MGAT4C: variants seen among roughly 807,000 people sequenced by gnomAD.
MGAT4C encodes the protein alpha-1,3-mannosyl-glycoprotein 4-beta-N-acetylglucosaminyltransferase C.
Under a neutral mutation model 40.1 loss-of-function variants are expected in MGAT4C, and 19 were observed. The observed-to-expected ratio is 0.47, with a 90% confidence interval of 0.33 to 0.70. MGAT4C has a LOEUF of 0.70. Ranked by LOEUF, MGAT4C falls within the 30% of genes least tolerant of loss-of-function variation. MGAT4C has a pLI of 0.02. For synonymous variants in MGAT4C, 181 were observed against 187.1 expected (o/e 0.97, Z 0.27); for missense variants, 491 against 563.2 (o/e 0.87, Z 1.30).
At position 86,771,092 on chromosome 12, in the gene MGAT4C, G is replaced by A. The variant is rs150752068; in HGVS notation, c.-261-43851C>T. 8.9e-4 allele frequency among the ~76,000 whole-genome samples: 135 copies of A among 152,208 alleles called. 1 individual carries two copies. The highest frequency in any genetic ancestry group is 3.4e-3 in the Middle Eastern group (1 of 294). On this transcript the variant is annotated intron_variant, in intron 1 of 7. Coordinates refer to the MGAT4C transcript ENST00000548651. ...TAATTCAGGTACAGATCTATAGAGA[G>A]ATGATATGAAGACATGGAGATAAGA...
chr12:86,333,509 C>T (rs1375820955), intron 4 of MGAT4C, among the ~76,000 whole-genome samples: 1 of 152,138 alleles, frequency 6.6e-6, no homozygotes, highest in Non-Finnish European at 1.5e-5. Context: ...TCAAAGACAA[C>T]TTATCACAGG....
intron 3 of MGAT4C, among the ~76,000 whole-genome samples, chr12:86,413,354 A>G (rs1380413705): frequency 6.6e-6 from 1 of 152,202 alleles, no homozygotes. Flanking sequence ...AGGAAAATGA[A>G]TGAAACAAGA....
intron 1 of MGAT4C, among the ~76,000 whole-genome samples, chr12:86,836,978 G>A (rs115151735): frequency 2.0e-5 from 3 of 151,912 alleles, no homozygotes; most frequent in Non-Finnish European, 4.4e-5. Flanking sequence ...AGAGAGAGAG[G>A]ATGTTAAATC....
intron 1 of MGAT4C, among the ~76,000 whole-genome samples, chr12:86,245,537 C>G (rs1013691677): frequency 6.6e-6 from 1 of 152,132 alleles, no homozygotes; most frequent in Non-Finnish European, 1.5e-5. Context: ...TCAGTTTAGC[C>G]CGAATACAAG....
At chr12:86,174,124 T>C (rs61929474) in intron 1 of MGAT4C, among the ~76,000 whole-genome samples, 327 of 143,902 alleles carry the variant, frequency 2.3e-3, no homozygotes, top group East Asian at 1.0e-2. Flanking sequence ...CACACACACA[T>C]ACACACACAC....
chr12:86,118,839 A>T (rs1878876697), intron 1 of MGAT4C, among the ~76,000 whole-genome samples: 1 of 152,198 alleles, frequency 6.6e-6, no homozygotes, highest in South Asian at 2.1e-4. Context: ...AGATGACCAG[A>T]AAGCAATATA....
intron 2 of MGAT4C, among the ~76,000 whole-genome samples, chr12:86,546,799 G>A (rs1959195433): frequency 6.6e-6 from 1 of 151,892 alleles, no homozygotes; most frequent in Admixed American, 6.6e-5. Context: ...ATAATGTGTG[G>A]GGATAGTCAT....
In MGAT4C at chr12:86,474,692, T is replaced by A. The variant is rs570701030; in HGVS notation, c.-228-39427A>T. ...TGGCTTTTCAGGTTTTCTTTTTTTT[T>A]TATAAGAAAGCCCATCATTTAACAG... On this transcript the variant is annotated intron_variant, in intron 2 of 7. Transcript: ENST00000548651. 3.4e-4 allele frequency among the ~76,000 whole-genome samples: 51 copies of A among 152,212 alleles called. 1 individual carries two copies. The South Asian group carries it at 9.1e-3, about 27-fold the overall frequency.
intron 1 of MGAT4C, among the ~76,000 whole-genome samples, chr12:86,740,578 C>T (rs2136129676): frequency 6.6e-6 from 1 of 151,302 alleles, no homozygotes; most frequent in South Asian, 2.1e-4. Flanking sequence ...ACCATTTCTG[C>T]ACAGTACATC....
intron 2 of MGAT4C, among the ~76,000 whole-genome samples, chr12:86,715,811 A>C (rs1950636999): frequency 6.6e-6 from 1 of 152,122 alleles, no homozygotes; most frequent in Non-Finnish European, 1.5e-5. Flanking sequence ...TGAATGGTTA[A>C]AGTTTAGTAA....
At chr12:86,262,073 T>G (rs1322218926) in intron 4 of MGAT4C, among the ~76,000 whole-genome samples, 1 of 152,088 alleles carries the variant, frequency 6.6e-6, no homozygotes, top group Non-Finnish European at 1.5e-5. Context: ...GTTTACAATG[T>G]CCTGTATGAT....
At chr12:86,509,903 A>G (rs1253666497) in intron 2 of MGAT4C, among the ~76,000 whole-genome samples, 2 of 152,146 alleles carry the variant, frequency 1.3e-5, no homozygotes, top group Non-Finnish European at 1.5e-5. Context: ...ATTTTTGTAC[A>G]TTGATTTTGT....
intron 1 of MGAT4C, among the ~76,000 whole-genome samples, chr12:86,120,734 T>A (rs980636967): frequency 6.6e-6 from 1 of 152,020 alleles, no homozygotes; most frequent in Non-Finnish European, 1.5e-5. Context: ...CAAAATCCCA[T>A]CCATACATCA....
intron 1 of MGAT4C, among the ~76,000 whole-genome samples, chr12:86,085,294 A>G (rs148856432): frequency 2.0e-3 from 299 of 152,188 alleles, no homozygotes; most frequent in African/African-American, 6.7e-3. Flanking sequence ...TATGTCCTGA[A>G]CAGTATTGCC....
intron 3 of MGAT4C, among the ~76,000 whole-genome samples, chr12:86,381,737 T>C (rs1017335144): frequency 3.3e-5 from 5 of 152,142 alleles, no homozygotes; most frequent in African/African-American, 9.7e-5. Flanking sequence ...TTTGGCTGTG[T>C]CCCCACCCAA....
intron 2 of MGAT4C, among the ~76,000 whole-genome samples, chr12:86,536,122 T>C (rs2136378650): frequency 6.6e-6 from 1 of 152,258 alleles, no homozygotes; most frequent in East Asian, 1.9e-4. Flanking sequence ...CACAGTCTTG[T>C]GGATATGGCA....
chr12:86,698,493 T>C (rs1380411078), intron 2 of MGAT4C, among the ~76,000 whole-genome samples: 1 of 152,088 alleles, frequency 6.6e-6, no homozygotes, highest in African/African-American at 2.4e-5. Context: ...TCTCTAATGT[T>C]GGAGGGCAGG....
At chr12:86,038,832 GTCTTTAAAATTTGGCATGTTTT>G (rs1174055280) in intron 2 of MGAT4C, among the ~76,000 whole-genome samples, 1 of 149,760 alleles carries the variant, frequency 6.7e-6, no homozygotes, top group African/African-American at 2.4e-5. Context: ...AGTGTTGATG[GTCTTTAAAATTTGGCATGTTTT>G]TGCAGTGGCT....
At chr12:86,795,552 G>C (rs1223525352) in intron 1 of MGAT4C, among the ~76,000 whole-genome samples, 3 of 151,706 alleles carry the variant, frequency 2.0e-5, no homozygotes, top group Non-Finnish European at 4.4e-5. Context: ...CTTAAAAACG[G>C]CATTGAAGTC....
Sources: allele counts gnomAD v4.1 joint callset (sites outside exome capture counted in the v4.1 genomes callset), GRCh38; gene constraint gnomAD v4.1.1; transcripts MANE v1.5; gene names NCBI Gene and HGNC (gene_info 2026-07-23, HGNC 2026-07-21).